The following ROBO1 variants were observed in gnomAD, a reference collection of about 807,000 sequenced individuals.
The protein encoded by ROBO1 is roundabout homolog 1.
ROBO1 carries 149 observed loss-of-function variants against 195.9 expected under a neutral mutation model. The ratio of observed to expected loss-of-function variants is 0.76; its 90% CI spans 0.67 to 0.87. The LOEUF is 0.87. ROBO1 is among the 40% of genes least tolerant of loss of function. The probability of loss-of-function intolerance (pLI) is 0.00; values close to 1 mark genes in which losing one functional copy is unlikely to be tolerated. For missense variants in ROBO1, 1,933 were observed against 2,068.3 expected, an observed-to-expected ratio of 0.93 and a Z score of 1.27; for synonymous variants, 816 against 733.2, an observed-to-expected ratio of 1.11 and a Z score of -1.82.
At chr3:79,739,269 CAGTT>C (rs1560146734) in intron 1 of ROBO1, among the ~76,000 whole-genome samples, 1 of 152,086 alleles carries the variant, frequency 6.6e-6, no homozygotes, top group East Asian at 1.9e-4. Flanking sequence ...CTAAGACTGC[CAGTT>C]AGTCATGAAT....
intron 3 of ROBO1, among the ~76,000 whole-genome samples, chr3:79,040,727 A>G (rs1482938959): frequency 6.6e-5 from 10 of 152,214 alleles, no homozygotes; most frequent in African/African-American, 2.4e-4. Flanking sequence ...ACTAGAACTT[A>G]GTTTTTATCT....
intron 3 of ROBO1, among the ~76,000 whole-genome samples, chr3:78,971,323 A>G (rs907375560): frequency 6.6e-6 from 1 of 152,158 alleles, no homozygotes; most frequent in Non-Finnish European, 1.5e-5. Flanking sequence ...CGGGAGGCGG[A>G]GGTTGCAGAC....
Position 78,754,569 on chromosome 3 carries a change from C to T in ROBO1, c.500-7669G>A, listed in dbSNP as rs578176241. On this transcript the variant is annotated intron_variant, in intron 4 of 30. Coordinates refer to ENST00000464233, the MANE Select transcript of ROBO1 (RefSeq NM_002941.4). ...GATTATCCCCTAGTATTTCCAGTGC[C>T]CAGGACAACATCCAAGACACAGGAG... Among the ~76,000 whole-genome samples, 6 of 152,214 alleles carry T rather than the reference C, an allele frequency of 3.9e-5. No homozygotes were observed. In the South Asian group the frequency reaches 1.0e-3, roughly 26 times the overall value.
chr3:79,022,208 T>C (rs2078117196), intron 3 of ROBO1, among the ~76,000 whole-genome samples: 2 of 152,328 alleles, frequency 1.3e-5, no homozygotes, highest in South Asian at 4.1e-4. Flanking sequence ...TGAGAACTTT[T>C]GTATCTACTT....
At chr3:78,969,333 G>A (rs112220922) in intron 3 of ROBO1, among the ~76,000 whole-genome samples, 8 of 152,210 alleles carry the variant, frequency 5.3e-5, no homozygotes, top group African/African-American at 1.9e-4. Context: ...AGGTGAATGT[G>A]GTAGAAGACA....
Position 78,995,514 on chromosome 3 carries a change from G to A in ROBO1, c.173-56587C>T, listed in dbSNP as rs1184337664. 5.9e-5 allele frequency among the ~76,000 whole-genome samples: 9 copies of A among 152,156 alleles called. No homozygotes were observed. The East Asian group carries it at 7.8e-4, about 13-fold the overall frequency. On this transcript the variant is annotated intron_variant, in intron 3 of 30. Coordinates refer to ENST00000464233, the MANE Select transcript of ROBO1 (RefSeq NM_002941.4). ...TCCACTCTTGCCTCTATAGCCCGTC[G>A]ATCGGGAGCATGTTGGGTAATCTTT...
chr3:79,575,153 TATATATAACAAATATATATAA>T (rs1943414611), intron 2 of ROBO1, among the ~76,000 whole-genome samples: 1 of 133,686 alleles, frequency 7.5e-6, no homozygotes, highest in Admixed American at 8.2e-5. Context: ...TATATAAATA[TATATATAACAAATATATATAA>T]ATATATATAA....
chr3:79,037,081 G>A (rs2078394166), intron 3 of ROBO1, among the ~76,000 whole-genome samples: 1 of 152,192 alleles, frequency 6.6e-6, no homozygotes, highest in South Asian at 2.1e-4. Flanking sequence ...ACCTAACAAA[G>A]TTGAGAAACT....
At chr3:79,746,499 G>A (rs937452133) in intron 1 of ROBO1, among the ~76,000 whole-genome samples, 2 of 151,846 alleles carry the variant, frequency 1.3e-5, no homozygotes. Context: ...TGTAATAAGA[G>A]GTATTTTCAA....
intron 4 of ROBO1, among the ~76,000 whole-genome samples, chr3:78,912,437 G>A (rs2038301641): frequency 6.6e-6 from 1 of 152,036 alleles, no homozygotes; most frequent in Admixed American, 6.6e-5. Context: ...CACAATACAA[G>A]GCACGTTGGC....
chr3:79,332,689 G>A lies in ROBO1; in HGVS notation c.89-207150C>T, dbSNP rs1028583580. 5.9e-5 allele frequency among the ~76,000 whole-genome samples: 9 copies of A among 152,144 alleles called. 1 individual carries two copies. The highest frequency in any genetic ancestry group is 2.2e-4 in the African/African-American group (9 of 41,442). On this transcript the variant is annotated intron_variant, in intron 2 of 30. Coordinates refer to ENST00000464233, the MANE Select transcript of ROBO1 (RefSeq NM_002941.4). Reference sequence around the variant, plus strand: ...TAGGTGGAAAATCTACACTGTCAGTGTTTTGGAAATGGCCATATTTACTGC... The same window carrying A: ...TAGGTGGAAAATCTACACTGTCAGTATTTTGGAAATGGCCATATTTACTGC...
intron 5 of ROBO1, among the ~76,000 whole-genome samples, chr3:78,725,640 G>C (rs1202884006): frequency 6.6e-6 from 1 of 152,076 alleles, no homozygotes. Flanking sequence ...GGTTAGCATG[G>C]AAAAACTAGC....
intron 2 of ROBO1, among the ~76,000 whole-genome samples, chr3:79,184,050 T>G (rs1462889628): frequency 1.3e-5 from 2 of 152,334 alleles, no homozygotes; most frequent in Non-Finnish European, 1.5e-5. Context: ...CTGTAATCTT[T>G]TTGTTTCCTC....
chr3:78,852,084 C>T (rs1363866801), intron 4 of ROBO1, among the ~76,000 whole-genome samples: 1 of 151,758 alleles, frequency 6.6e-6, no homozygotes, highest in African/African-American at 2.4e-5. Context: ...AAATTTAATC[C>T]ATGTTTTAAT....
chr3:79,739,656 A>G (rs1477579104), intron 1 of ROBO1, among the ~76,000 whole-genome samples: 3 of 152,162 alleles, frequency 2.0e-5, no homozygotes, highest in Non-Finnish European at 4.4e-5. Context: ...TAAGTCATAG[A>G]AGAGAAAGAA....
intron 3 of ROBO1, among the ~76,000 whole-genome samples, chr3:78,949,848 G>A (rs375758077): frequency 2.7e-4 from 41 of 152,182 alleles, no homozygotes; most frequent in South Asian, 1.2e-3. Context: ...AAAAGTGGGC[G>A]AAGGATATGA....
chr3:78,769,291 C>T (rs9631512), intron 4 of ROBO1, among the ~76,000 whole-genome samples: 55,480 of 152,044 alleles, frequency 0.36, 10,936 homozygotes, highest in Middle Eastern at 0.51. Context: ...TCCTGTTGGA[C>T]AAGGCCTTTT....
At chr3:78,625,155 T>C (rs1704685294) in intron 26 of ROBO1, among the ~76,000 whole-genome samples, 2 of 152,052 alleles carry the variant, frequency 1.3e-5, no homozygotes, top group Admixed American at 6.6e-5. Flanking sequence ...AAGGATAAGG[T>C]GGATTTCATG....
intron 1 of ROBO1, among the ~76,000 whole-genome samples, chr3:79,760,496 C>CAAAAAAAAAAAAA (rs1559562438): frequency 1.4e-5 from 1 of 71,532 alleles, no homozygotes; most frequent in African/African-American, 4.6e-5. Context: ...CAATGCAATA[C>CAAAAAAAAAAAAA]CAAAAAAAAA....
Sources: allele counts gnomAD v4.1 joint callset (sites outside exome capture counted in the v4.1 genomes callset), GRCh38; gene constraint gnomAD v4.1.1; transcripts MANE v1.5; gene names NCBI Gene and HGNC (gene_info 2026-07-23, HGNC 2026-07-21).